The following TAFA2 variants were observed in gnomAD, a reference collection of about 807,000 sequenced individuals.
TAFA2 encodes chemokine-like protein TAFA-2.
TAFA2 carries 7 observed loss-of-function variants against 18.8 expected under a neutral mutation model. That is an observed-to-expected ratio of 0.37 (90% confidence interval 0.21 to 0.70). The LOEUF is 0.70. Among genes scored for constraint, TAFA2 ranks in the 30% least tolerant of loss-of-function variants. TAFA2 has a pLI of 0.53. For synonymous variants in TAFA2, 60 were observed against 54.2 expected (o/e 1.11, Z -0.47); for missense variants, 122 against 158.1 (o/e 0.77, Z 1.23).
intron 1 of TAFA2, among the ~76,000 whole-genome samples, chr12:62,117,414 T>G (rs1197983618): frequency 6.6e-6 from 1 of 152,120 alleles, no homozygotes; most frequent in South Asian, 2.1e-4. Flanking sequence ...AAAAAAAAAG[T>G]GGTGCATTTT....
intron 2 of TAFA2, among the ~76,000 whole-genome samples, chr12:61,825,932 T>C (rs1166831542): frequency 1.3e-5 from 2 of 152,016 alleles, no homozygotes; most frequent in African/African-American, 4.8e-5. Flanking sequence ...AAATGGAACA[T>C]AACCAAAACT....
intron 1 of TAFA2, among the ~76,000 whole-genome samples, chr12:61,956,314 A>G (rs1402291367): frequency 6.6e-6 from 1 of 152,124 alleles, no homozygotes; most frequent in African/African-American, 2.4e-5. Context: ...TGGTGGATAA[A>G]GAATTTCACT....
intron 1 of TAFA2, among the ~76,000 whole-genome samples, chr12:62,254,321 T>C (rs1450960884): frequency 6.6e-6 from 1 of 152,236 alleles, no homozygotes; most frequent in South Asian, 2.1e-4. Flanking sequence ...CTAGTATCAC[T>C]ATTTTACAGA....
chr12:62,118,761 C>T (rs1368115161), intron 1 of TAFA2, among the ~76,000 whole-genome samples: 1 of 151,970 alleles, frequency 6.6e-6, no homozygotes, highest in Admixed American at 6.6e-5. Flanking sequence ...GTTTGTTAGT[C>T]ATATGAGTTT....
At chr12:62,006,057 C>G (rs1156623995) in intron 1 of TAFA2, among the ~76,000 whole-genome samples, 1 of 152,008 alleles carries the variant, frequency 6.6e-6, no homozygotes, top group Admixed American at 6.6e-5. Flanking sequence ...TATTGTATTT[C>G]TTTCTTCTCT....
chr12:62,081,792 C>T (rs1460046493), intron 1 of TAFA2, among the ~76,000 whole-genome samples: 4 of 152,008 alleles, frequency 2.6e-5, no homozygotes, highest in African/African-American at 9.7e-5. Context: ...ACCTCTTCAA[C>T]TTGTATTTTA....
At chr12:61,723,429 A>C (rs1039517022) in intron 4 of TAFA2, among the ~76,000 whole-genome samples, 2 of 152,152 alleles carry the variant, frequency 1.3e-5, no homozygotes, top group Non-Finnish European at 2.9e-5. Flanking sequence ...AAAGGCGATA[A>C]GTAATTTCAG....
intron 1 of TAFA2, among the ~76,000 whole-genome samples, chr12:62,082,482 A>C (rs1490889456): frequency 6.6e-6 from 1 of 152,154 alleles, no homozygotes; most frequent in Admixed American, 6.5e-5. Context: ...GGCATAGCAC[A>C]GTCAATGTTT....
chr12:61,989,069 A>G (rs926032887), intron 1 of TAFA2, among the ~76,000 whole-genome samples: 2 of 152,204 alleles, frequency 1.3e-5, no homozygotes, highest in African/African-American at 4.8e-5. Flanking sequence ...GCAGATATGC[A>G]TTAATAGTGT....
chr12:61,724,751 ATGTGTGTGTGTGTGTGTGTG>A (rs71083953), intron 4 of TAFA2, among the ~76,000 whole-genome samples: 211 of 114,704 alleles, frequency 1.8e-3, no homozygotes, highest in African/African-American at 6.0e-3. Context: ...TGGTATGTCT[ATGTGTGTGTGTGTGTGTGTG>A]TGTGTGTGTG....
intron 2 of TAFA2, among the ~76,000 whole-genome samples, chr12:61,806,181 A>G (rs939710498): frequency 6.6e-6 from 1 of 152,188 alleles, no homozygotes; most frequent in African/African-American, 2.4e-5. Flanking sequence ...TTGTTTGGCT[A>G]TGTCCCCACT....
chr12:61,931,433 C>T (rs1877550213), intron 1 of TAFA2, among the ~76,000 whole-genome samples: 3 of 152,208 alleles, frequency 2.0e-5, no homozygotes, highest in Non-Finnish European at 4.4e-5. Flanking sequence ...GCACTTGGCA[C>T]TGGCCAGCTG....
At chr12:62,001,351 C>A (rs1026110899) in intron 1 of TAFA2, among the ~76,000 whole-genome samples, 2 of 152,022 alleles carry the variant, frequency 1.3e-5, no homozygotes, top group African/African-American at 4.8e-5. Context: ...ATTTATTGTG[C>A]ATTTTATTTC....
chr12:61,882,897 T>C (rs2121276578), intron 1 of TAFA2, among the ~76,000 whole-genome samples: 1 of 152,306 alleles, frequency 6.6e-6, no homozygotes, highest in Non-Finnish European at 1.5e-5. Flanking sequence ...GTAATATGAC[T>C]TGCCTTAACT....
intron 1 of TAFA2, among the ~76,000 whole-genome samples, chr12:62,205,988 C>T (rs183169110): frequency 3.3e-5 from 5 of 152,258 alleles, no homozygotes; most frequent in East Asian, 3.9e-4. Flanking sequence ...TTTCCCCATG[C>T]GGCTCCCACA....
intron 1 of TAFA2, among the ~76,000 whole-genome samples, chr12:61,899,640 A>G (rs541312174): frequency 1.3e-5 from 2 of 152,264 alleles, no homozygotes; most frequent in Admixed American, 1.3e-4. Flanking sequence ...CTTTCTTGAC[A>G]TGTAGGGATT....
intron 1 of TAFA2, among the ~76,000 whole-genome samples, chr12:62,211,910 A>T (rs1275960212): frequency 3.9e-5 from 6 of 152,212 alleles, no homozygotes; most frequent in Admixed American, 1.3e-4. Context: ...CACTGAAAAA[A>T]GCATGGTTAA....
At chr12:62,249,272 T>TAAAA (rs35144994) in intron 1 of TAFA2, among the ~76,000 whole-genome samples, 2 of 137,720 alleles carry the variant, frequency 1.5e-5, no homozygotes, top group African/African-American at 5.3e-5. Flanking sequence ...TTTTTTTTCC[T>TAAAA]AAAAAAAAAA....
intron 4 of TAFA2, among the ~76,000 whole-genome samples, chr12:61,715,397 G>A (rs1218012760): frequency 6.6e-6 from 1 of 151,794 alleles, no homozygotes; most frequent in African/African-American, 2.4e-5. Context: ...CACCCAGGCT[G>A]GAGTGCAGTA....
Sources: gnomAD v4.1 joint callset for allele counts (sites outside exome capture counted in the v4.1 genomes callset) on GRCh38, gnomAD v4.1.1 for gene constraint, MANE v1.5 for transcripts, NCBI Gene and HGNC (gene_info 2026-07-23, HGNC 2026-07-21) for gene names.